Variants in PIEZO1 observed in about 807,000 individuals in gnomAD.
The protein encoded by PIEZO1 is piezo type mechanosensitive ion channel component 1 (Er blood group), also known as piezo-type mechanosensitive ion channel component 1.
PIEZO1 carries 296 observed loss-of-function variants against 297.2 expected under a neutral mutation model. The observed-to-expected ratio is 1.00, with a 90% CI of 0.91 to 1.10. The LOEUF (loss-of-function observed/expected upper bound fraction) is 1.10. Ranked by LOEUF, PIEZO1 falls within the 50% of genes least tolerant of loss-of-function variation. PIEZO1 has a pLI of 0.00. For synonymous variants in PIEZO1, 2,427 were observed against 1,507.5 expected, an observed-to-expected ratio of 1.61 and a Z score of -14.13; for missense variants, 5,018 against 3,455.5, an observed-to-expected ratio of 1.45 and a Z score of -11.34.
chr16:88,737,592 G>T lies in PIEZO1; in HGVS notation c.1162C>A (p.Leu388Met). The change falls in exon 10 of 51, where the codon CTG becomes ATG. Residue 388 changes from leucine to methionine, a missense_variant. Transcript: ENST00000301015. ...TEADNCIVHE[L>M]TGQSSVLRRP... ...CGCAGGACGGAGCTCTGGCCGGTCAGCTCGTGCACGATGCAGTTATCAGCC... is the reference window on the plus strand; with the variant it reads ...CGCAGGACGGAGCTCTGGCCGGTCATCTCGTGCACGATGCAGTTATCAGCC... 6.5e-7 allele frequency: 1 copy of T among 1,534,620 alleles called. No individual in the cohort carries two copies. The highest frequency in any genetic ancestry group is 1.2e-5 in the South Asian group (1 of 84,020).
At chr16:88,756,204 AG>A (rs1363486889) in intron 1 of PIEZO1, among the ~76,000 whole-genome samples, 1 of 152,156 alleles carries the variant, frequency 6.6e-6, no homozygotes, top group Non-Finnish European at 1.5e-5. Context: ...GGCCACAGGG[AG>A]GGTGTGCAGG....
At chr16:88,746,733 G>A (rs1443655092) in intron 2 of PIEZO1, among the ~76,000 whole-genome samples, 1 of 152,220 alleles carries the variant, frequency 6.6e-6, no homozygotes, top group East Asian at 1.9e-4. Flanking sequence ...GTCCTCCCGG[G>A]TCCTCTCCAA....
chr16:88,745,651 G>A (rs572332935), intron 2 of PIEZO1: 1 of 150,596 alleles, frequency 6.6e-6, no homozygotes, highest in Non-Finnish European at 1.5e-5. Flanking sequence ...GCTGAGGCAG[G>A]AGAATCACTT....
intron 1 of PIEZO1, among the ~76,000 whole-genome samples, chr16:88,774,594 G>T (rs1035755520): frequency 6.6e-6 from 1 of 152,284 alleles, no homozygotes; most frequent in South Asian, 2.1e-4. Context: ...TGGCCCAGCT[G>T]CAGGTCTGAG....
rs560731397 is a variant in PIEZO1, at chr16:88,717,173, G to A, written c.6510C>T (p.Ile2170=). ...PQPKGQKKKK[I]VKYGMGGLII... is the part of the protein sequence containing the mutation. ...TGAGGCCACCCATGCCGTACTTGAC[G>A]ATCTTCTTCTTCTTCTGCCCTTTGG... The change falls in exon 45 of 51, where the codon ATC becomes ATT. Residue 2170 remains isoleucine (I), a synonymous_variant. Transcript: ENST00000301015. 5.2e-5 allele frequency: 80 copies of A among 1,550,622 alleles called. No homozygotes were observed. The East Asian group carries it at 1.8e-3, about 35-fold the overall frequency.
At position 88,719,894 on chromosome 16, in the gene PIEZO1, G is replaced by C. The variant is rs142188206; in HGVS notation, c.6231C>G (p.Ser2077=). The change falls in exon 43 of 51, where the codon TCC becomes TCG. Residue 2077 remains serine (S), a synonymous_variant. Transcript: ENST00000301015. The part of the protein sequence containing the change: ...YFVKCIYFAL[S]AYQIRCGYPT... The stretch of plus-strand genomic sequence containing the variant: ...GGTAGCCGCAGCGGATCTGGTAGGC[G>C]GACAGGGCGAAGTAGATGCACTTCA... The C allele has an allele frequency of 4.4e-4, 677 of 1,550,444 alleles. 9 individuals are homozygous for C. The South Asian group carries it at 7.3e-3, about 17-fold the overall frequency.
intron 1 of PIEZO1, 98 bp from the exon 2 acceptor site, chr16:88,749,577 G>T: frequency 2.2e-6 from 2 of 922,802 alleles, no homozygotes; most frequent in South Asian, 1.6e-5. Flanking sequence ...ACACCGCCGA[G>T]GCCGTGTGCC....
intron 2 of PIEZO1, among the ~76,000 whole-genome samples, chr16:88,744,757 G>T (rs1905930059): frequency 6.6e-6 from 1 of 151,898 alleles, no homozygotes; most frequent in African/African-American, 2.4e-5. Flanking sequence ...AGGGTCGAAG[G>T]GGCCGCAGCT....
rs566061564 is a variant in PIEZO1, at chr16:88,726,379, G to A, written c.3873C>T (p.Cys1291=). Residue 1291 remains cysteine (C), a synonymous_variant, in exon 27 of 51, where the codon TGC becomes TGT. Transcript: ENST00000301015. The part of the protein sequence containing the change: ...EEAGIIWDSV[C]FFFLLLQRRV... Reference sequence around the variant, plus strand: ...GGCGCTGCAGCAGCAGGAAGAAGAAGCAGACGCTGTCCCAGATGATGCCAG... The same window carrying A: ...GGCGCTGCAGCAGCAGGAAGAAGAAACAGACGCTGTCCCAGATGATGCCAG... 6.4e-7 allele frequency: 1 copy of A among 1,550,478 alleles called. No individual in the cohort carries two copies. The highest frequency in any genetic ancestry group is 8.7e-7 in the Non-Finnish European group (1 of 1,146,922).
intron 1 of PIEZO1, among the ~76,000 whole-genome samples, chr16:88,779,101 G>A (rs2142910791): frequency 1.3e-5 from 2 of 151,488 alleles, no homozygotes; most frequent in Middle Eastern, 3.4e-3. Flanking sequence ...GAGTGCAGTG[G>A]CACGACTGTG....
chr16:88,724,918 G>A lies in PIEZO1; in HGVS notation c.4234+91C>T, dbSNP rs981679512. The A allele has an allele frequency of 4.9e-6, 4 of 808,102 alleles. No individual in the cohort carries two copies. In the African/African-American group the frequency reaches 5.4e-5, roughly 11 times the overall value. The allele number at this position is 808,102 out of a possible 1,614,324, so 50.1% of individuals were successfully genotyped here. ...GACGCTCAGGGCCTGGGAGTCGGGG[G>A]AAGGGAGGGGAAGATAGCAGGCCAG... On this transcript the variant is annotated intron_variant, in intron 30 of 50. Transcript: ENST00000301015.
chr16:88,762,466 G>A (rs559275776), intron 1 of PIEZO1, among the ~76,000 whole-genome samples: 3 of 152,260 alleles, frequency 2.0e-5, no homozygotes, highest in African/African-American at 7.2e-5. Context: ...CGACAATCCC[G>A]GGGACGGCAG....
intron 1 of PIEZO1, among the ~76,000 whole-genome samples, chr16:88,751,692 C>A (rs12932785): frequency 0.27 from 41,548 of 151,668 alleles, 6,110 homozygotes; most frequent in East Asian, 0.58. Context: ...AAAAAAATCC[C>A]TAAGATCTGG....
intron 18 of PIEZO1, 51 bp downstream of exon 18, chr16:88,733,537 G>C: frequency 6.5e-7 from 1 of 1,529,076 alleles, no homozygotes; most frequent in South Asian, 1.2e-5. Flanking sequence ...AGCTGGGCAG[G>C]CCAGAGCGAC....
At chr16:88,759,509 G>A (rs758568637) in intron 1 of PIEZO1, among the ~76,000 whole-genome samples, 8 of 152,304 alleles carry the variant, frequency 5.3e-5, no homozygotes, top group East Asian at 3.9e-4. Context: ...AAACACTCCC[G>A]TGCTAGTGCT....
In PIEZO1 at chr16:88,736,249, T is replaced by C. The variant is rs986221836; in HGVS notation, c.1456A>G (p.Met486Val). ...GTGGGCAGCTCAGGGCGCAGGTCCA[T>C]GGCCCACACGTAGCGTAGGCAGCAC... is the stretch of plus-strand genomic sequence containing the variant. The part of the protein sequence containing the change: ...TLCCLRYVWA[M>V]DLRPELPTTL... The change falls in exon 12 of 51, where the codon ATG becomes GTG. Residue 486 changes from methionine (M) to valine (V), a missense_variant. Transcript: ENST00000301015. The C allele has an allele frequency of 4.5e-6, 7 of 1,549,888 alleles. No homozygotes were observed. Among genetic ancestry groups the C allele is most frequent in the Middle Eastern group, 1.7e-4 (1 of 6,004 alleles).
At position 88,720,694 on chromosome 16, in the gene PIEZO1, C is replaced by T. The variant is rs1318206546; in HGVS notation, c.5723G>A (p.Gly1908Glu). The T allele has an allele frequency of 4.6e-6, 7 of 1,537,824 alleles. No homozygotes were observed. The highest frequency in any genetic ancestry group is 6.1e-6 in the Non-Finnish European group (7 of 1,141,794). Reference sequence around the variant, plus strand: ...AGAGCGGCTTGGCCTCTTCTCTCTCCCCGTGGGGGCCTCTTTCTCTTCCTC... The same window carrying T: ...AGAGCGGCTTGGCCTCTTCTCTCTCTCCGTGGGGGCCTCTTTCTCTTCCTC... ...EGEEEKEAPT[G>E]REKRPSRSGG... Residue 1908 changes from glycine (G) to glutamate (E), a missense_variant, in exon 40 of 51, where the codon GGG becomes GAG. By Grantham distance (98) the Gly-to-Glu change is moderately conservative. Coordinates refer to ENST00000301015, the MANE Select transcript of PIEZO1 (RefSeq NM_001142864.4).
At chr16:88,781,915 C>T (rs574666942) in intron 1 of PIEZO1, among the ~76,000 whole-genome samples, 3 of 152,346 alleles carry the variant, frequency 2.0e-5, no homozygotes, top group East Asian at 1.9e-4. Context: ...GCTTGCCGGC[C>T]GTGGGTGTGC....
At chr16:88,753,260 C>T (rs1289362804) in intron 1 of PIEZO1, among the ~76,000 whole-genome samples, 5 of 49,880 alleles carry the variant, frequency 1.0e-4, no homozygotes, top group Non-Finnish European at 1.9e-4. Context: ...CGCACCCAGC[C>T]CCCCAGAGCT....
Sources: gnomAD v4.1 joint callset for allele counts (sites outside exome capture counted in the v4.1 genomes callset) on GRCh38, gnomAD v4.1.1 for gene constraint, MANE v1.5 for transcripts, NCBI Gene and HGNC (gene_info 2026-07-23, HGNC 2026-07-21) for gene names.